RELT: variants seen among roughly 807,000 people sequenced by gnomAD.
RELT encodes the protein RELT TNF receptor.
A neutral mutation model predicts 51.1 loss-of-function variants in RELT; 37 were observed. That is an observed-to-expected ratio of 0.72 (90% confidence interval 0.56 to 0.95). The LOEUF is 0.95. RELT is among the 40% of genes least tolerant of loss of function. The probability of loss-of-function intolerance (pLI) is 0.00; values close to 1 mark genes in which losing one functional copy is unlikely to be tolerated. For missense variants in RELT, 535 were observed against 572.6 expected (o/e 0.93, Z 0.67); for synonymous variants, 241 against 235.7 (o/e 1.02, Z -0.21).
At chr11:73,379,021 C>G (rs1160542247) in intron 1 of RELT, among the ~76,000 whole-genome samples, 1 of 152,196 alleles carries the variant, frequency 6.6e-6, no homozygotes, top group East Asian at 1.9e-4. Flanking sequence ...GGTCCCTACT[C>G]TCTCTGGGCC....
At chr11:73,390,381 G>T (rs2134449956) in intron 2 of RELT, among the ~76,000 whole-genome samples, 170 bp from the exon 3 acceptor site, 1 of 152,242 alleles carries the variant, frequency 6.6e-6, no homozygotes, top group Non-Finnish European at 1.5e-5. Context: ...GACAGGACAG[G>T]TTTTCCTCAG....
At chr11:73,391,366 G>A in intron 5 of RELT, 143 bp downstream of exon 5, 1 of 725,894 alleles carries the variant, frequency 1.4e-6, no homozygotes. Flanking sequence ...CAGCCAAAGG[G>A]TCTCCAGCAG....
At chr11:73,391,583 A>T (rs1866215738) in intron 5 of RELT, among the ~76,000 whole-genome samples, 1 of 152,320 alleles carries the variant, frequency 6.6e-6, no homozygotes, top group South Asian at 2.1e-4. Context: ...AGGCAGGAGG[A>T]TCACTTTGAG....
Position 73,392,446 on chromosome 11 carries a change from C to T in RELT, c.603C>T (p.Pro201=), listed in dbSNP as rs150760056. The T allele has an allele frequency of 5.2e-3, 8,312 of 1,612,926 alleles. 34 individuals are homozygous for T. The highest frequency in any genetic ancestry group is 7.3e-3 in the South Asian group (663 of 91,078). ...GCACGGCGCACAAGGAGGTCGGGCC[C>T]GGCCCTGGAGGTGGAGGCAGTGGTG... ...YHCTAHKEVG[P]GPGGGGSGIN... is the part of the protein sequence containing the mutation. The change falls in exon 6 of 11, where the codon CCC becomes CCT. Residue 201 remains proline (P), a synonymous_variant. Transcript: ENST00000064780.
At chr11:73,387,541 C>T (rs544485327) in intron 1 of RELT, among the ~76,000 whole-genome samples, 1 of 152,336 alleles carries the variant, frequency 6.6e-6, no homozygotes, top group East Asian at 1.9e-4. Flanking sequence ...GTGTGGCCTC[C>T]ACCCTATACT....
chr11:73,385,006 G>A (rs947582610), intron 1 of RELT, among the ~76,000 whole-genome samples: 6 of 151,914 alleles, frequency 3.9e-5, no homozygotes, highest in African/African-American at 7.3e-5. Context: ...CGTGGCAGGC[G>A]TGTGGGTGGG....
chr11:73,391,086 C>T, intron 4 of RELT, 58 bp from the exon 5 acceptor site: 1 of 1,577,352 alleles, frequency 6.3e-7, no homozygotes, highest in Non-Finnish European at 8.7e-7. Context: ...TCCAGCCTCT[C>T]CTAAGGATAG....
chr11:73,389,335 A>G (rs956555971), intron 2 of RELT, among the ~76,000 whole-genome samples, 154 bp downstream of exon 2: 1 of 152,198 alleles, frequency 6.6e-6, no homozygotes, highest in African/African-American at 2.4e-5. Flanking sequence ...GACCCTAGGA[A>G]GCACCTCTGG....
At chr11:73,379,046 C>T (rs1223929630) in intron 1 of RELT, among the ~76,000 whole-genome samples, 2 of 152,174 alleles carry the variant, frequency 1.3e-5, no homozygotes, top group African/African-American at 4.8e-5. Context: ...TCTCCCTGTT[C>T]TTCCCAGAGA....
intron 1 of RELT, among the ~76,000 whole-genome samples, chr11:73,377,907 G>C (rs770270896): frequency 7.9e-5 from 12 of 152,130 alleles, no homozygotes; most frequent in Non-Finnish European, 1.5e-4. Context: ...CTACTGATAG[G>C]GTTGGAAGCA....
In RELT at chr11:73,390,788, C is replaced by G; in HGVS notation, c.154C>G (p.Pro52Ala). ...PGQGTLCRPC[P>A]PGTFSAAWGS... ...GCAGGGCACATTATGCAGGCCCTGC[C>G]CCCCAGGCACCTTCTCAGCTGCATG... is the stretch of plus-strand genomic sequence containing the variant. The change falls in exon 4 of 11, where the codon CCC becomes GCC. Residue 52 changes from proline to alanine, a missense_variant. Pro to Ala is a conservative substitution (Grantham distance 27, BLOSUM62 -1). Transcript: ENST00000064780. 6.2e-7 allele frequency: 1 copy of G among 1,610,682 alleles called. No individual in the cohort carries two copies. Among genetic ancestry groups the G allele is most frequent in the Non-Finnish European group, 8.5e-7 (1 of 1,178,932 alleles).
rs150931083 is a variant in RELT at position 73,388,479 on chromosome 11, A to T, written c.-25-633A>T. 8.5e-5 allele frequency among the ~76,000 whole-genome samples: 13 copies of T among 152,362 alleles called. No individual in the cohort carries two copies. The East Asian group carries it at 2.5e-3, about 29-fold the overall frequency. ...CCTGGAAGAGGTGTGGACAGTGGCC[A>T]TGCAGAAGGACCAGGACCTAGATGG... On this transcript the variant is annotated intron_variant, in intron 1 of 10. Coordinates refer to ENST00000064780, the MANE Select transcript of RELT (RefSeq NM_152222.2). This position sits in a 1 kb window ranked among gnomAD's most constrained non-coding sequence, Gnocchi z 4.1.
Position 73,394,155 on chromosome 11 carries a change from TG to T in RELT, c.707-75del, listed in dbSNP as rs1002551669. The stretch of plus-strand genomic sequence containing the variant: ...TGGGAGTGGTGGTATGGAGGGTAGG[TG>T]GGGGGTTCTCTGCTGGGGCAGGGGG... On this transcript the variant is annotated intron_variant, in intron 7 of 10. Transcript: ENST00000064780. The surrounding 1 kb of genome is among the most constrained non-coding windows in gnomAD (Gnocchi z 4.9). The T allele has an allele frequency of 2.7e-5, 35 of 1,276,070 alleles. No homozygotes were observed. In the African/African-American group the frequency reaches 5.0e-4, roughly 18 times the overall value. 79.0% of individuals were successfully genotyped at this position (1,276,070 alleles called of 1,614,324 possible). A position where few individuals can be genotyped will look rare whatever the true frequency, so the allele number is the denominator to read the frequency against.
intron 1 of RELT, among the ~76,000 whole-genome samples, chr11:73,381,471 C>T (rs1866049331): frequency 6.6e-6 from 1 of 152,162 alleles, no homozygotes; most frequent in African/African-American, 2.4e-5. Flanking sequence ...GGAGCCTCAC[C>T]CCTTCTCGAG....
intron 1 of RELT, among the ~76,000 whole-genome samples, chr11:73,384,084 C>T (rs2134442316): frequency 6.6e-6 from 1 of 152,234 alleles, no homozygotes; most frequent in Admixed American, 6.5e-5. Flanking sequence ...TCCCTACCTG[C>T]CCTCCTCCAG....
In RELT at chr11:73,376,435, G is replaced by C. The variant is rs1590725685; in HGVS notation, c.-90G>C. The C allele has an allele frequency of 6.6e-6, 1 of 151,966 alleles. No homozygotes were observed. Among genetic ancestry groups the C allele is most frequent in the Non-Finnish European group, 1.5e-5 (1 of 67,958 alleles). The allele number at this position is 151,966 out of a possible 1,614,324, so 9.4% of individuals were successfully genotyped here. On this transcript the variant is annotated 5_prime_UTR_variant, in exon 1 of 11. Transcript: ENST00000064780. ...AGGCTGCGCGGCTGTCCGGGCGCTCGCCGAGCCGGGCCGCGGCGCCGAGTC... is the reference window on the plus strand; with the variant it reads ...AGGCTGCGCGGCTGTCCGGGCGCTCCCCGAGCCGGGCCGCGGCGCCGAGTC...
Position 73,390,661 on chromosome 11 carries a change from G to C in RELT, c.120+36G>C, listed in dbSNP as rs75226770. The C allele has an allele frequency of 1.8e-3, 2,821 of 1,611,880 alleles. 43 individuals are homozygous for C. In the African/African-American group the frequency reaches 0.032, roughly 18 times the overall value. On this transcript the variant is annotated intron_variant, in intron 3 of 10. Transcript: ENST00000064780. ...CCCTGCTCTCCTGCCTGTCCTGGGA[G>C]GGCCCTGAGGGCCAGGGGCAGAGTC...
chr11:73,384,071 G>C (rs1866087213), intron 1 of RELT, among the ~76,000 whole-genome samples: 1 of 152,152 alleles, frequency 6.6e-6, no homozygotes, highest in Non-Finnish European at 1.5e-5. Flanking sequence ...CAGAGTAGCT[G>C]CCTCCCTACC....
rs1479279122 is a variant in RELT at position 73,391,208 on chromosome 11, A to T, written c.352A>T (p.Thr118Ser). 1 of 1,613,698 alleles carries T rather than the reference A, an allele frequency of 6.2e-7. No homozygotes were observed. Among genetic ancestry groups the T allele is most frequent in the African/African-American group, 1.3e-5 (1 of 74,878 alleles). ...CQPCSWAPLG[T>S]HGCDEWGRRA... Reference sequence around the variant, plus strand: ...ACCATGTTCCTGGGCACCTCTGGGTACTCATGGCTGTGATGGTGAGTGGCA... The same window carrying T: ...ACCATGTTCCTGGGCACCTCTGGGTTCTCATGGCTGTGATGGTGAGTGGCA... Residue 118 changes from threonine (T) to serine (S), a missense_variant, in exon 5 of 11, where the codon ACT (threonine) becomes TCT (serine). Coordinates refer to ENST00000064780, the MANE Select transcript of RELT (RefSeq NM_152222.2).
Sources: gnomAD v4.1 joint callset for allele counts (sites outside exome capture counted in the v4.1 genomes callset) on GRCh38, gnomAD v4.1.1 for gene constraint, Gnocchi (gnomAD v3.1) non-coding constraint, MANE v1.5 for transcripts, NCBI Gene and HGNC (gene_info 2026-07-23, HGNC 2026-07-21) for gene names.